Variants in RFTN1 observed in about 807,000 individuals in gnomAD.
RFTN1 encodes the protein raftlin, lipid raft linker 1, also known as raftlin.
A neutral mutation model predicts 46.5 loss-of-function variants in RFTN1; 26 were observed. The observed-to-expected ratio is 0.56, with a 90% CI of 0.41 to 0.78. The LOEUF is 0.78. Ranked by LOEUF, RFTN1 falls within the 30% of genes least tolerant of loss-of-function variation. RFTN1 has a pLI of 0.00. For synonymous variants in RFTN1, 261 were observed against 284.2 expected, an observed-to-expected ratio of 0.92 and a Z score of 0.82; for missense variants, 693 against 718.7, an observed-to-expected ratio of 0.96 and a Z score of 0.41.
Position 16,335,609 on chromosome 3 carries a change from A to C in RFTN1, c.1147-8733T>G, listed in dbSNP as rs1295852324. On this transcript the variant is annotated intron_variant, in intron 7 of 9. Coordinates refer to ENST00000334133, the MANE Select transcript of RFTN1 (RefSeq NM_015150.2). The surrounding 1 kb of genome is among the most constrained non-coding windows in gnomAD (Gnocchi z 4.7). ...ATGGACACATGGTGGGGAGCAACAC[A>C]CACTGGGACCTGTTGGAGGTGTGGG... Among the ~76,000 whole-genome samples, 2 of 152,140 alleles carry C rather than the reference A, an allele frequency of 1.3e-5. No individual in the cohort carries two copies. The highest frequency in any genetic ancestry group is 2.9e-5 in the Non-Finnish European group (2 of 68,020).
At chr3:16,412,307 G>A (rs2074993962) in intron 3 of RFTN1, among the ~76,000 whole-genome samples, 1 of 152,190 alleles carries the variant, frequency 6.6e-6, no homozygotes, top group South Asian at 2.1e-4. Context: ...GGGAGAGGAA[G>A]GGGGAAAAAT....
chr3:16,506,583 C>T lies in RFTN1; in HGVS notation c.-9+6859G>A, dbSNP rs2076810704. The stretch of plus-strand genomic sequence containing the variant: ...TGAGCAAAAGAGGGCATCCAAGACA[C>T]CTCTAGGGTTGGTCACCAGCACCTG... On this transcript the variant is annotated intron_variant, in intron 1 of 9. Transcript: ENST00000334133. This position sits in a 1 kb window ranked among gnomAD's most constrained non-coding sequence, Gnocchi z 4.8. Among the ~76,000 whole-genome samples the T allele has an allele frequency of 6.6e-6, 1 of 152,018 alleles. No individual in the cohort carries two copies. The highest frequency in any genetic ancestry group is 1.5e-5 in the Non-Finnish European group (1 of 67,992).
At position 16,449,602 on chromosome 3, in the gene RFTN1, C is replaced by T. The variant is rs371965317; in HGVS notation, c.146-15565G>A. On this transcript the variant is annotated intron_variant, in intron 2 of 9. Transcript: ENST00000334133. The surrounding 1 kb of genome is among the most constrained non-coding windows in gnomAD (Gnocchi z 5.1). Reference sequence around the variant, plus strand: ...TAATCACTTCACACATTGTTACTAACGTGACAGACTGTCATGTCCACGAGT... The same window carrying T: ...TAATCACTTCACACATTGTTACTAATGTGACAGACTGTCATGTCCACGAGT... Among the ~76,000 whole-genome samples, 2 of 152,202 alleles carry T rather than the reference C, an allele frequency of 1.3e-5. No homozygotes were observed. Among genetic ancestry groups the T allele is most frequent in the African/African-American group, 4.8e-5 (2 of 41,452 alleles).
chr3:16,510,764 C>A (rs2125017896), intron 1 of RFTN1, among the ~76,000 whole-genome samples: 1 of 152,312 alleles, frequency 6.6e-6, no homozygotes, highest in Non-Finnish European at 1.5e-5. Context: ...CAGCAATTTA[C>A]TACTAGGTGT....
At chr3:16,347,580 CCTCT>C (rs1368175900) in intron 7 of RFTN1, 5 of 152,206 alleles carry the variant, frequency 3.3e-5, no homozygotes, top group African/African-American at 4.8e-5. Context: ...ATAAAATCTC[CCTCT>C]GCCTCTCTGT....
At chr3:16,469,695 C>T (rs2124945502) in intron 2 of RFTN1, among the ~76,000 whole-genome samples, 1 of 152,342 alleles carries the variant, frequency 6.6e-6, no homozygotes. Context: ...TCCAGGACTT[C>T]CACAGAGGAC....
rs569170702 is a variant in RFTN1 at position 16,322,793 on chromosome 3, G to A, written c.1332+583C>T. 1.3e-5 allele frequency among the ~76,000 whole-genome samples: 2 copies of A among 152,250 alleles called. No homozygotes were observed. The highest frequency in any genetic ancestry group is 3.9e-4 in the East Asian group (2 of 5,174). On this transcript the variant is annotated intron_variant, in intron 9 of 9. Coordinates refer to ENST00000334133, the MANE Select transcript of RFTN1 (RefSeq NM_015150.2). The surrounding 1 kb of genome is among the most constrained non-coding windows in gnomAD (Gnocchi z 6.2). Reference sequence around the variant, plus strand: ...CTAGGGTAGTTCAGAGTCCGGAGAGGGGGAAAAGGGCCCTGGGGATCTCTT... The same window carrying A: ...CTAGGGTAGTTCAGAGTCCGGAGAGAGGGAAAAGGGCCCTGGGGATCTCTT...
At chr3:16,501,974 T>C (rs1199069161) in intron 1 of RFTN1, among the ~76,000 whole-genome samples, 1 of 152,226 alleles carries the variant, frequency 6.6e-6, no homozygotes, top group Non-Finnish European at 1.5e-5. Flanking sequence ...TGTGTATTTG[T>C]TTATAAAATC....
In RFTN1 at chr3:16,351,674, G is replaced by T. The variant is rs2072111955; in HGVS notation, c.1146+6258C>A. 6.6e-6 allele frequency among the ~76,000 whole-genome samples: 1 copy of T among 152,060 alleles called. No individual in the cohort carries two copies. Among genetic ancestry groups the T allele is most frequent in the African/African-American group, 2.4e-5 (1 of 41,392 alleles). On this transcript the variant is annotated intron_variant, in intron 7 of 9. Transcript: ENST00000334133. The surrounding 1 kb of genome is among the most constrained non-coding windows in gnomAD (Gnocchi z 5.4). ...GACCTCACCAACTGAGCACTTCAGG[G>T]GTAAGCTGTATATAAGTTAGACCCA...
Position 16,322,300 on chromosome 3 carries a change from T to G in RFTN1, c.1332+1076A>C, listed in dbSNP as rs1012049770. ...CAGCCCATCTGGCTTCAAGTCACCA[T>G]TGCTTTGGCACTCCTTCCACAAGTG... is the stretch of plus-strand genomic sequence containing the variant. On this transcript the variant is annotated intron_variant, in intron 9 of 9. Coordinates refer to ENST00000334133, the MANE Select transcript of RFTN1 (RefSeq NM_015150.2). The surrounding 1 kb of genome is among the most constrained non-coding windows in gnomAD (Gnocchi z 6.2). Among the ~76,000 whole-genome samples, 1 of 152,198 alleles carries G rather than the reference T, an allele frequency of 6.6e-6. No homozygotes were observed. Among genetic ancestry groups the G allele is most frequent in the Non-Finnish European group, 1.5e-5 (1 of 68,028 alleles).
chr3:16,404,282 A>T (rs868375328), intron 4 of RFTN1, among the ~76,000 whole-genome samples: 1 of 14,754 alleles, frequency 6.8e-5, no homozygotes, highest in African/African-American at 3.7e-4. Flanking sequence ...TATAATATGT[A>T]ATATATAATA....
Position 16,320,313 on chromosome 3 carries a change from A to G in RFTN1, c.1332+3063T>C, listed in dbSNP as rs984048868. ...TGAAAAGTCCTGATTAGAAAAATCTATCCATGTTGCTGATTAAAAGAAGAC... is the reference window on the plus strand; with the variant it reads ...TGAAAAGTCCTGATTAGAAAAATCTGTCCATGTTGCTGATTAAAAGAAGAC... On this transcript the variant is annotated intron_variant, in intron 9 of 9. Coordinates refer to ENST00000334133, the MANE Select transcript of RFTN1 (RefSeq NM_015150.2). The surrounding 1 kb of genome is among the most constrained non-coding windows in gnomAD (Gnocchi z 4.5). Among the ~76,000 whole-genome samples, 2 of 152,188 alleles carry G rather than the reference A, an allele frequency of 1.3e-5. No individual in the cohort carries two copies. The highest frequency in any genetic ancestry group is 2.9e-5 in the Non-Finnish European group (2 of 68,024).
rs544438083 is a variant in RFTN1, at chr3:16,438,551, C to G, written c.146-4514G>C. Among the ~76,000 whole-genome samples the G allele has an allele frequency of 8.3e-5, 10 of 120,492 alleles. No individual in the cohort carries two copies. In the East Asian group the frequency reaches 2.4e-3, roughly 29 times the overall value. The allele number at this position is 120,492 out of a possible 152,430, so 79.0% of individuals were successfully genotyped here. On this transcript the variant is annotated intron_variant, in intron 2 of 9. Transcript: ENST00000334133. ...AGTGAGCTGAAATCGTGCCACTGCACTCCAGCCTGGGAGACAGAGTAAGAA... is the reference window on the plus strand; with the variant it reads ...AGTGAGCTGAAATCGTGCCACTGCAGTCCAGCCTGGGAGACAGAGTAAGAA...
chr3:16,381,151 C>T lies in RFTN1; in HGVS notation c.442-3049G>A, dbSNP rs756310167. On this transcript the variant is annotated intron_variant, in intron 4 of 9. Transcript: ENST00000334133. This position sits in a 1 kb window ranked among gnomAD's most constrained non-coding sequence, Gnocchi z 4.2. The stretch of plus-strand genomic sequence containing the variant: ...TATAAAAAGTCAAGATTCTAAACTT[C>T]ATACACTTTATTATGACAACTATGT... 3.9e-5 allele frequency among the ~76,000 whole-genome samples: 6 copies of T among 152,196 alleles called. No individual in the cohort carries two copies. The highest frequency in any genetic ancestry group is 5.9e-5 in the Non-Finnish European group (4 of 68,032).
At chr3:16,396,461 A>T (rs1326129444) in intron 4 of RFTN1, among the ~76,000 whole-genome samples, 2 of 152,208 alleles carry the variant, frequency 1.3e-5, no homozygotes, top group African/African-American at 4.8e-5. Context: ...CAACAAATCC[A>T]ATTGACCTAG....
In RFTN1 at chr3:16,474,044, G is replaced by T. The variant is rs1256613174; in HGVS notation, c.145+19681C>A. Among the ~76,000 whole-genome samples the T allele has an allele frequency of 6.6e-6, 1 of 152,170 alleles. No individual in the cohort carries two copies. The highest frequency in any genetic ancestry group is 1.5e-5 in the Non-Finnish European group (1 of 68,034). On this transcript the variant is annotated intron_variant, in intron 2 of 9. Transcript: ENST00000334133. This position sits in a 1 kb window ranked among gnomAD's most constrained non-coding sequence, Gnocchi z 5.5. ...TCATTTTGCAGATGAAGGAATGAAG[G>T]TTCAAAGGAATTCTTTACATCATTC...
rs984506128 is a variant in RFTN1 at position 16,440,746 on chromosome 3, C to A, written c.146-6709G>T. ...CTCTTACTTTCAAGAAGTCAGAAATCTTAATCTTCCTAATCTTTAAATGTG... is the reference window on the plus strand; with the variant it reads ...CTCTTACTTTCAAGAAGTCAGAAATATTAATCTTCCTAATCTTTAAATGTG... On this transcript the variant is annotated intron_variant, in intron 2 of 9. Coordinates refer to ENST00000334133, the MANE Select transcript of RFTN1 (RefSeq NM_015150.2). The surrounding 1 kb of genome is among the most constrained non-coding windows in gnomAD (Gnocchi z 4.6). Among the ~76,000 whole-genome samples the A allele has an allele frequency of 6.6e-6, 1 of 152,150 alleles. No homozygotes were observed. Among genetic ancestry groups the A allele is most frequent in the Admixed American group, 6.5e-5 (1 of 15,278 alleles).
rs1251593495 is a variant in RFTN1 at position 16,427,928 on chromosome 3, C to T, written c.332+5923G>A. Among the ~76,000 whole-genome samples, 2 of 152,162 alleles carry T rather than the reference C, an allele frequency of 1.3e-5. No individual in the cohort carries two copies. The highest frequency in any genetic ancestry group is 4.8e-5 in the African/African-American group (2 of 41,426). On this transcript the variant is annotated intron_variant, in intron 3 of 9. Transcript: ENST00000334133. The surrounding 1 kb of genome is among the most constrained non-coding windows in gnomAD (Gnocchi z 5.4). ...AGAGCAAATGACAGCCGCAGAGCCT[C>T]CTCTTCTAAAGCACTCTCATTAACA...
At chr3:16,377,587 C>A (rs1423767835) in intron 5 of RFTN1, 131 bp downstream of exon 5, 3 of 1,405,666 alleles carry the variant, frequency 2.1e-6, no homozygotes, top group Non-Finnish European at 2.8e-6. Flanking sequence ...GATAAAGTTT[C>A]TCCTGTTTGA....
Sources: gnomAD v4.1 joint callset for allele counts (sites outside exome capture counted in the v4.1 genomes callset) on GRCh38, gnomAD v4.1.1 for gene constraint, Gnocchi (gnomAD v3.1) non-coding constraint, MANE v1.5 for transcripts, NCBI Gene and HGNC (gene_info 2026-07-23, HGNC 2026-07-21) for gene names.